SPHKAP: variants seen among roughly 807,000 people sequenced by gnomAD.
SPHKAP encodes the protein A-kinase anchor protein SPHKAP.
Under a neutral mutation model 137.5 loss-of-function variants are expected in SPHKAP, and 67 were observed. The observed-to-expected ratio is 0.49, with a 90% CI of 0.40 to 0.60. The LOEUF is 0.60. Ranked by LOEUF, SPHKAP falls within the 20% of genes least tolerant of loss-of-function variation. The pLI is 0.00. For synonymous variants in SPHKAP, 813 were observed against 785.3 expected (o/e 1.04, Z -0.59); for missense variants, 2,097 against 2,069.3 (o/e 1.01, Z -0.26).
At chr2:228,175,256 C>G (rs1700704269) in intron 1 of SPHKAP, among the ~76,000 whole-genome samples, 2 of 151,696 alleles carry the variant, frequency 1.3e-5, no homozygotes, top group Admixed American at 1.3e-4. Flanking sequence ...AAACTTGGAT[C>G]TATGCAAATG....
intron 11 of SPHKAP, among the ~76,000 whole-genome samples, chr2:227,988,342 G>A (rs1303764920): frequency 6.6e-6 from 1 of 152,134 alleles, no homozygotes; most frequent in African/African-American, 2.4e-5. Flanking sequence ...GGTGCTAATT[G>A]AATGAGTGAA....
chr2:227,982,977 T>C (rs1356785667), intron 11 of SPHKAP, among the ~76,000 whole-genome samples: 2 of 152,206 alleles, frequency 1.3e-5, no homozygotes, highest in African/African-American at 2.4e-5. Context: ...TGATATTTAC[T>C]TGGAGCACTG....
At chr2:228,092,202 T>C (rs546358638) in intron 3 of SPHKAP, among the ~76,000 whole-genome samples, 172 of 128,308 alleles carry the variant, frequency 1.3e-3, no homozygotes, top group Non-Finnish European at 2.3e-3. Context: ...TACACATGCA[T>C]ACACACATAT....
rs201911651 is a variant in SPHKAP, at chr2:228,132,007, C to T, written c.111G>A (p.Pro37=). 43 of 1,613,994 alleles carry T rather than the reference C, an allele frequency of 2.7e-5. No homozygotes were observed. The Admixed American group carries it at 4.5e-4, about 17-fold the overall frequency. Residue 37 remains proline (P), a synonymous_variant, in exon 2 of 12, where the codon CCG becomes CCA. Coordinates refer to ENST00000392056, the MANE Select transcript of SPHKAP (RefSeq NM_001142644.2). ...TCTTACAGGCTGTGATGGAGTTCCC[C>T]GGGCCGCTTCCTGAGCTGCCACAGC... ...GRGCGSSGSG[P]GNSITACKKV... is the part of the protein sequence containing the mutation.
chr2:228,078,038 A>G (rs1250617785), intron 3 of SPHKAP, among the ~76,000 whole-genome samples: 1 of 152,156 alleles, frequency 6.6e-6, no homozygotes, highest in Non-Finnish European at 1.5e-5. Flanking sequence ...TGCCATCCAC[A>G]TAAGGTGTGA....
Position 228,012,294 on chromosome 2 carries a change from T to TA in SPHKAP, c.4448+4111dup, listed in dbSNP as rs373130036. On this transcript the variant is annotated intron_variant, in intron 7 of 11. Transcript: ENST00000392056. Reference sequence around the variant, plus strand: ...CTTGTCTTCCTTGCTTGTCTTCCTTTAAAAAAAAAGATCAGCTTCATACCT... The same window carrying TA: ...CTTGTCTTCCTTGCTTGTCTTCCTTTAAAAAAAAAAGATCAGCTTCATACCT... Among the ~76,000 whole-genome samples the TA allele has an allele frequency of 8.8e-3, 1,326 of 150,144 alleles. 10 individuals carry two copies. The highest frequency in any genetic ancestry group is 0.026 in the African/African-American group (1,050 of 40,230).
chr2:228,123,421 A>G (rs562711521), intron 2 of SPHKAP, among the ~76,000 whole-genome samples: 1 of 152,288 alleles, frequency 6.6e-6, no homozygotes, highest in East Asian at 1.9e-4. Context: ...CTCCAGGGGG[A>G]AATTCTTGTG....
intron 2 of SPHKAP, among the ~76,000 whole-genome samples, chr2:228,112,078 GC>G (rs1407886143): frequency 6.6e-6 from 1 of 152,084 alleles, no homozygotes; most frequent in East Asian, 1.9e-4. Flanking sequence ...AGGAAAGGAT[GC>G]TTTTACACCT....
chr2:228,072,280 T>G (rs4533465), intron 3 of SPHKAP, among the ~76,000 whole-genome samples: 49,973 of 152,020 alleles, frequency 0.33, 8,542 homozygotes, highest in Non-Finnish European at 0.4. Flanking sequence ...CAGAATCACA[T>G]GAATTCATTG....
chr2:228,013,445 C>T (rs1694461296), intron 7 of SPHKAP, among the ~76,000 whole-genome samples: 2 of 152,160 alleles, frequency 1.3e-5, no homozygotes, highest in South Asian at 4.1e-4. Context: ...CAGGGTTTCA[C>T]CACCTTGGCC....
rs755381681 is a variant in SPHKAP at position 228,017,625 on chromosome 2, G to A, written c.3229C>T (p.Arg1077Trp). Residue 1077 changes from arginine to tryptophan, a missense_variant, in exon 7 of 12, where the codon CGG becomes TGG. Arg to Trp is a moderately radical substitution (Grantham distance 101). Transcript: ENST00000392056. ...CTTTCGCAGCTGGAGGCCTTCAGCC[G>A]GCTCCACCTGTCGCCACTCAGTAAC... Reference protein sequence around the residue: ...NRLLSGDRWSRLKASSCESIP... With the variant: ...NRLLSGDRWSWLKASSCESIP... The A allele has an allele frequency of 1.1e-5, 18 of 1,613,806 alleles. No homozygotes were observed. The highest frequency in any genetic ancestry group is 8.0e-5 in the African/African-American group (6 of 74,926).
At chr2:228,014,356 T>C (rs1475424552) in intron 7 of SPHKAP, among the ~76,000 whole-genome samples, 3 of 152,194 alleles carry the variant, frequency 2.0e-5, no homozygotes, top group Admixed American at 1.3e-4. Context: ...AGCTAATTTG[T>C]TTTTTTAACT....
At chr2:228,124,043 T>G (rs12617561) in intron 2 of SPHKAP, among the ~76,000 whole-genome samples, 1 of 150,428 alleles carries the variant, frequency 6.6e-6, no homozygotes, top group Admixed American at 6.7e-5. Flanking sequence ...GATACCATCT[T>G]GCACCAGTTA....
At chr2:227,991,347 A>G (rs751126683) in intron 9 of SPHKAP, 21 bp from the exon 10 acceptor site, 1 of 1,614,072 alleles carries the variant, frequency 6.2e-7, no homozygotes, top group Non-Finnish European at 8.5e-7. Context: ...AAACAACAGT[A>G]TATGGTTGGT....
At chr2:228,162,848 G>T (rs773723542) in intron 1 of SPHKAP, among the ~76,000 whole-genome samples, 6 of 151,654 alleles carry the variant, frequency 4.0e-5, no homozygotes, top group Non-Finnish European at 5.9e-5. Flanking sequence ...ACAGGCATGT[G>T]CCACCACACC....
intron 3 of SPHKAP, among the ~76,000 whole-genome samples, chr2:228,037,793 A>T (rs1292772694): frequency 6.6e-6 from 1 of 152,226 alleles, no homozygotes; most frequent in East Asian, 1.9e-4. Context: ...CCCTGTCCCA[A>T]GGGCCTTGAA....
intron 5 of SPHKAP, among the ~76,000 whole-genome samples, chr2:228,022,976 A>G (rs1417991013): frequency 6.6e-6 from 1 of 152,238 alleles, no homozygotes; most frequent in Non-Finnish European, 1.5e-5. Context: ...TAGGAAGTGA[A>G]CTAATTATCT....
chr2:227,994,016 G>A (rs1693528177), intron 8 of SPHKAP: 9 of 984,212 alleles, frequency 9.1e-6, no homozygotes, highest in Non-Finnish European at 1.1e-5. Context: ...AGAGATGAAG[G>A]AACTTCTGAA....
intron 1 of SPHKAP, among the ~76,000 whole-genome samples, chr2:228,156,853 T>C (rs1263297347): frequency 2.0e-5 from 3 of 152,158 alleles, no homozygotes; most frequent in Non-Finnish European, 4.4e-5. Flanking sequence ...GCTTTGCTCC[T>C]CTTTGCCTTC....
Sources: allele counts gnomAD v4.1 joint callset (sites outside exome capture counted in the v4.1 genomes callset), GRCh38; gene constraint gnomAD v4.1.1; transcripts MANE v1.5; gene names NCBI Gene and HGNC (gene_info 2026-07-23, HGNC 2026-07-21).